The following PDZD9 variants were observed in gnomAD, a reference collection of about 807,000 sequenced individuals.
PDZD9 encodes the protein PDZ domain containing 9.
A neutral mutation model predicts 16.3 loss-of-function variants in PDZD9; 13 were observed. The observed-to-expected ratio is 0.80, with a 90% CI of 0.52 to 1.27. PDZD9 has a LOEUF of 1.27. Ranked by LOEUF, PDZD9 falls within the 50% of genes most tolerant of loss-of-function variation. The pLI, the probability that PDZD9 is intolerant of heterozygous loss-of-function variation, is 0.00. For missense variants in PDZD9, 288 were observed against 310.9 expected, an observed-to-expected ratio of 0.93 and a Z score of 0.55; for synonymous variants, 120 against 111.0, an observed-to-expected ratio of 1.08 and a Z score of -0.51.
the PDZD9 span, among the ~76,000 whole-genome samples, chr16:21,970,650 A>G: frequency 6.6e-6 from 1 of 152,106 alleles, no homozygotes; most frequent in Non-Finnish European, 1.5e-5. Flanking sequence ...CAGTGGCGCA[A>G]TCTCAGCTCA....
At chr16:21,962,326 T>G in the PDZD9 span, 2 of 1,032,014 alleles carry the variant, frequency 1.9e-6, no homozygotes, top group South Asian at 3.3e-5. Flanking sequence ...ATATGTGGAG[T>G]TTTGTTATAT....
At chr16:21,988,928 CTTTTTTT>C in intron 2 of PDZD9, 137 bp from the exon 3 acceptor site, 19 of 345,470 alleles carry the variant, frequency 5.5e-5, no homozygotes, top group Non-Finnish European at 7.2e-5. Context: ...AGGCTTCAGC[CTTTTTTT>C]TTTTTTTTTT....
the PDZD9 span, chr16:21,976,126 G>T: frequency 7.0e-7 from 1 of 1,434,184 alleles, no homozygotes; most frequent in Non-Finnish European, 9.8e-7. Flanking sequence ...AGGAGACTCT[G>T]GTACTGACCA....
chr16:21,983,164 A>G, downstream of PDZD9: 1 of 1,613,996 alleles, frequency 6.2e-7, no homozygotes, highest in South Asian at 1.1e-5. Context: ...TTTGTTGATG[A>G]GTTGTAATAC....
chr16:21,984,006 A>G lies in PDZD9; in HGVS notation c.*261T>C, dbSNP rs1347493558. ...AGACATTCTGATATTGGATTTCTCT[A>G]CGGCATTTTCTAAAAGAAAGAAATT... On this transcript the variant is annotated 3_prime_UTR_variant, in exon 4 of 4. Transcript: ENST00000424898. 6.6e-6 allele frequency: 2 copies of G among 302,352 alleles called. No homozygotes were observed. Among genetic ancestry groups the G allele is most frequent in the African/African-American group, 4.3e-5 (2 of 46,540 alleles). 18.7% of individuals were successfully genotyped at this position (302,352 alleles called of 1,614,324 possible).
chr16:21,971,605 G>A, the PDZD9 span: 8 of 1,613,892 alleles, frequency 5.0e-6, no homozygotes, highest in Admixed American at 1.7e-5. Flanking sequence ...TGGTGCAAAG[G>A]CCAACTACCG....
chr16:21,996,960 C>G (rs1407171189), intron 1 of PDZD9, among the ~76,000 whole-genome samples: 1 of 151,978 alleles, frequency 6.6e-6, no homozygotes, highest in Non-Finnish European at 1.5e-5. Flanking sequence ...GTAGCTGGGA[C>G]TACTGGCATG....
chr16:21,961,546 G>A, the PDZD9 span: 2 of 150,504 alleles, frequency 1.3e-5, no homozygotes, highest in Admixed American at 6.9e-5. Context: ...TGAGGGAATT[G>A]GTCTTGGAAG....
the PDZD9 span, chr16:21,962,234 T>C: frequency 3.6e-6 from 2 of 552,522 alleles, no homozygotes; most frequent in Non-Finnish European, 6.5e-6. Context: ...TCATCTGTGT[T>C]GTAACATGTG....
At chr16:21,990,474 A>G (rs771591869) in intron 2 of PDZD9, among the ~76,000 whole-genome samples, 6 of 152,236 alleles carry the variant, frequency 3.9e-5, no homozygotes, top group Non-Finnish European at 8.8e-5. Flanking sequence ...AGAATTCCAG[A>G]AAACAAATAC....
chr16:21,971,548 CAAGTTGCTG>C, the PDZD9 span: 10 of 1,613,932 alleles, frequency 6.2e-6, no homozygotes, highest in Admixed American at 1.7e-4. Flanking sequence ...TGTTCTAAAG[CAAGTTGCTG>C]AACAGTTTCT....
chr16:21,973,834 A>C, the PDZD9 span: 1 of 1,507,404 alleles, frequency 6.6e-7, no homozygotes, highest in Non-Finnish European at 9.1e-7. Flanking sequence ...GGCAAACTTA[A>C]AGAAATCGTG....
At chr16:21,989,107 T>C (rs572286625) in intron 2 of PDZD9, among the ~76,000 whole-genome samples, 110 of 151,944 alleles carry the variant, frequency 7.2e-4, no homozygotes, top group African/African-American at 2.6e-3. Flanking sequence ...TTTGTTTTTT[T>C]TTTTTAGTAG....
the PDZD9 span, among the ~76,000 whole-genome samples, chr16:21,960,883 T>A: frequency 5.9e-5 from 9 of 152,128 alleles, no homozygotes; most frequent in East Asian, 1.7e-3. Context: ...CAGGCTGGAG[T>A]GGAGTGGTGC....
chr16:21,962,463 G>A, the PDZD9 span: 5 of 1,614,122 alleles, frequency 3.1e-6, no homozygotes, highest in Non-Finnish European at 4.2e-6. Flanking sequence ...GATTCAGTGT[G>A]ACCGCAACAA....
the PDZD9 span, chr16:21,968,696 A>G: frequency 2.5e-6 from 4 of 1,602,204 alleles, no homozygotes; most frequent in Non-Finnish European, 2.6e-6. Context: ...GTAAGTTTAG[A>G]GTATTGCCTG....
the PDZD9 span, chr16:21,961,376 A>G: frequency 4.6e-6 from 2 of 433,208 alleles, no homozygotes; most frequent in Non-Finnish European, 9.4e-6. Context: ...CTATACAGCC[A>G]TTACGGAATG....
At chr16:21,990,992 G>A (rs1413799531) in intron 2 of PDZD9, among the ~76,000 whole-genome samples, 1 of 151,490 alleles carries the variant, frequency 6.6e-6, no homozygotes, top group Non-Finnish European at 1.5e-5. Flanking sequence ...ACTTTGTCTC[G>A]ATTACCTACA....
chr16:21,961,626 T>TTATAAATATATA, the PDZD9 span, among the ~76,000 whole-genome samples: 1 of 64,476 alleles, frequency 1.6e-5, no homozygotes. Flanking sequence ...AACATAAAAT[T>TTATAAATATATA]TATATATATA....
Sources: allele counts gnomAD v4.1 joint callset (sites outside exome capture counted in the v4.1 genomes callset), GRCh38; gene constraint gnomAD v4.1.1; transcripts MANE v1.5; gene names NCBI Gene and HGNC (gene_info 2026-07-23, HGNC 2026-07-21).